The following CHM variants were observed in gnomAD, a reference collection of about 807,000 sequenced individuals.
The protein encoded by CHM is rab proteins geranylgeranyltransferase component A 1.
CHM carries 10 observed loss-of-function variants against 49.0 expected under a neutral mutation model. That is an observed-to-expected ratio of 0.20 (90% CI 0.13 to 0.35). CHM has a LOEUF of 0.35. Ranked by LOEUF, CHM falls within the 10% of genes least tolerant of loss-of-function variation. The probability of loss-of-function intolerance (pLI) is 1.00; values close to 1 mark genes in which losing one functional copy is unlikely to be tolerated. For synonymous variants in CHM, 184 were observed against 167.5 expected, an observed-to-expected ratio of 1.10 and a Z score of -0.76; for missense variants, 455 against 478.4, an observed-to-expected ratio of 0.95 and a Z score of 0.46.
At chrX:85,901,410 G>C (rs1339514552) in intron 9 of CHM, among the ~76,000 whole-genome samples, 1 of 110,954 alleles carries the variant, frequency 9.0e-6, no homozygotes, top group East Asian at 2.8e-4. Flanking sequence ...AATGAACATG[G>C]AATACAACTT....
intron 1 of CHM, among the ~76,000 whole-genome samples, chrX:86,042,729 G>A: frequency 9.0e-6 from 1 of 110,662 alleles, no homozygotes; most frequent in African/African-American, 3.3e-5. Flanking sequence ...AGTCTGAGGT[G>A]GGAGGATTGC....
chrX:85,876,898 T>G (rs1384287414), intron 13 of CHM, among the ~76,000 whole-genome samples: 4 of 111,446 alleles, frequency 3.6e-5, no homozygotes. Flanking sequence ...TAAAGAAAAT[T>G]AAATGCATTT....
intron 8 of CHM, among the ~76,000 whole-genome samples, chrX:85,942,036 GA>G (rs1276379563): frequency 9.0e-6 from 1 of 110,996 alleles, no homozygotes; most frequent in Non-Finnish European, 1.9e-5. Flanking sequence ...TGAGCACAGA[GA>G]AGTTAAATAA....
intron 14 of CHM, among the ~76,000 whole-genome samples, chrX:85,869,916 T>A (rs1374391009): frequency 8.9e-6 from 1 of 112,478 alleles, no homozygotes; most frequent in Non-Finnish European, 1.9e-5. Context: ...AGTGAATTAT[T>A]TAAAATATTT....
At chrX:86,042,265 A>C (rs1378017858) in intron 1 of CHM, among the ~76,000 whole-genome samples, 1 of 111,550 alleles carries the variant, frequency 9.0e-6, no homozygotes, top group African/African-American at 3.3e-5. Flanking sequence ...TTTTTAAGAA[A>C]ATGCCTTTTC....
intron 1 of CHM, among the ~76,000 whole-genome samples, chrX:86,043,053 C>T (rs1348538251): frequency 9.0e-6 from 1 of 111,670 alleles, no homozygotes; most frequent in Non-Finnish European, 1.9e-5. Flanking sequence ...CACTGACTTT[C>T]CTTCTTAAAA....
At chrX:85,954,124 G>A (rs1358598072) in intron 8 of CHM, among the ~76,000 whole-genome samples, 1 of 112,190 alleles carries the variant, frequency 8.9e-6, no homozygotes, top group South Asian at 3.7e-4. Flanking sequence ...GATCTGAATA[G>A]ACATTTTTCA....
intron 9 of CHM, among the ~76,000 whole-genome samples, chrX:85,907,609 T>C (rs186669717): frequency 7.2e-5 from 8 of 111,680 alleles, no homozygotes; most frequent in African/African-American, 2.3e-4. Flanking sequence ...TGGCTGAAAA[T>C]AGGTATGCAT....
chrX:85,904,818 C>A (rs116143323), intron 9 of CHM, among the ~76,000 whole-genome samples: 3,218 of 111,629 alleles, frequency 0.029, 116 homozygotes, highest in African/African-American at 0.099. Flanking sequence ...TAGGCTCTGA[C>A]TTCTGTTAAG....
At chrX:85,934,743 T>C (rs960227931) in intron 8 of CHM, among the ~76,000 whole-genome samples, 1 of 110,615 alleles carries the variant, frequency 9.0e-6, no homozygotes, top group African/African-American at 3.3e-5. Context: ...ACAATAAACA[T>C]ATGTGTCCAT....
At chrX:85,971,108 A>G in intron 4 of CHM, 2 of 650,756 alleles carry the variant, frequency 3.1e-6, no homozygotes, top group Non-Finnish European at 3.7e-6. Flanking sequence ...TACACCCTAT[A>G]TATTTATATT....
intron 1 of CHM, among the ~76,000 whole-genome samples, chrX:86,042,801 T>C (rs1236834543): frequency 9.2e-6 from 1 of 108,774 alleles, no homozygotes; most frequent in Non-Finnish European, 1.9e-5. Context: ...CCAACTAGGG[T>C]GACAGAGCAA....
At chrX:86,036,626 T>C (rs1302144111) in intron 1 of CHM, among the ~76,000 whole-genome samples, 1 of 112,113 alleles carries the variant, frequency 8.9e-6, no homozygotes, top group Non-Finnish European at 1.9e-5. Context: ...ACAAGAGACT[T>C]TGCAGGGCAA....
rs765220601 is a variant in CHM at position 85,995,502 on chromosome X, T to C, written c.117-13693A>G. Among the ~76,000 whole-genome samples, 4 of 111,372 alleles carry C rather than the reference T, an allele frequency of 3.6e-5. No individual in the cohort carries two copies. In the East Asian group the frequency reaches 1.1e-3, roughly 32 times the overall value. On this transcript the variant is annotated intron_variant, in intron 2 of 14. Transcript: ENST00000357749. The stretch of plus-strand genomic sequence containing the variant: ...CTGACCATCAAACCCAGTATTTGTG[T>C]CTTTTCCAACCCTACAGCTTATCTT...
intron 9 of CHM, among the ~76,000 whole-genome samples, chrX:85,909,957 C>A (rs1419792498): frequency 8.9e-6 from 1 of 111,820 alleles, no homozygotes. Flanking sequence ...CAACAGAGTT[C>A]TTCATGAATC....
chrX:85,957,970 C>T lies in CHM; in HGVS notation c.825G>A (p.Pro275=), dbSNP rs145268507. ...TATTAAAGACATCTGCTCTGGAACA[C>T]GGAACCTGAAAAATATTATGATTTT... The part of the protein sequence containing the change: ...AFREGRVEQV[P]CSRADVFNSK... The change falls in exon 7 of 15, where the codon CCG becomes CCA. Residue 275 remains proline, a synonymous_variant. Coordinates refer to ENST00000357749, the MANE Select transcript of CHM (RefSeq NM_000390.4). The T allele has an allele frequency of 2.3e-4, 281 of 1,207,959 alleles. 2 individuals carry two copies. The African/African-American group carries it at 3.9e-3, about 17-fold the overall frequency.
At chrX:85,990,621 T>C (rs747647012) in intron 2 of CHM, among the ~76,000 whole-genome samples, 7 of 111,600 alleles carry the variant, frequency 6.3e-5, no homozygotes, top group Non-Finnish European at 1.3e-4. Flanking sequence ...ATCAAGAAGA[T>C]AATAGAAAAA....
chrX:86,004,872 A>G (rs942265659), intron 2 of CHM, among the ~76,000 whole-genome samples: 8 of 111,763 alleles, frequency 7.2e-5, no homozygotes, highest in Non-Finnish European at 3.8e-5. Context: ...AAGGTTAACA[A>G]GGATATCCAG....
intron 9 of CHM, 130 bp downstream of exon 9, chrX:85,911,131 A>ATGTGTGTG (rs1171081818): frequency 1.9e-4 from 1 of 5,334 alleles, no homozygotes; most frequent in African/African-American, 8.8e-4. Context: ...GTGTATATGT[A>ATGTGTGTG]TATATATATA....
Sources: gnomAD v4.1 joint callset for allele counts (sites outside exome capture counted in the v4.1 genomes callset) on GRCh38, gnomAD v4.1.1 for gene constraint, MANE v1.5 for transcripts, NCBI Gene and HGNC (gene_info 2026-07-23, HGNC 2026-07-21) for gene names.